Variants in BLOC1S6 observed in about 807,000 individuals in gnomAD.
BLOC1S6 encodes biogenesis of lysosomal organelles complex 1 subunit 6, also known as biogenesis of lysosome-related organelles complex 1 subunit 6.
Under a neutral mutation model 24.7 loss-of-function variants are expected in BLOC1S6, and 24 were observed. The ratio of observed to expected loss-of-function variants is 0.97; its 90% CI spans 0.70 to 1.37. BLOC1S6 has a LOEUF of 1.37. Ranked by LOEUF, BLOC1S6 falls within the 40% of genes most tolerant of loss-of-function variation. BLOC1S6 has a pLI of 0.00. For missense variants in BLOC1S6, 175 were observed against 196.2 expected (o/e 0.89, Z 0.64); for synonymous variants, 76 against 72.6 (o/e 1.05, Z -0.23).
Position 45,606,655 on chromosome 15 carries a change from C to A in BLOC1S6, c.*141C>A. The A allele has an allele frequency of 8.3e-7, 1 of 1,201,278 alleles. No homozygotes were observed. Among genetic ancestry groups the A allele is most frequent in the Non-Finnish European group, 1.2e-6 (1 of 829,256 alleles). The allele number at this position is 1,201,278 out of a possible 1,614,324, so 74.4% of individuals were successfully genotyped here. ...TTCCGGTATTACTGTGTCTCCATGC[C>A]TTTTTTCCAAGTAGCAGACGTCATG... On this transcript the variant is annotated 3_prime_UTR_variant, in exon 5 of 5. Coordinates refer to ENST00000220531, the MANE Select transcript of BLOC1S6 (RefSeq NM_012388.4).
At chr15:45,587,244 A>G (rs1055213737), upstream of BLOC1S6, 35 of 630,138 alleles carry the variant, frequency 5.6e-5, no homozygotes, top group Admixed American at 7.8e-4. Context: ...CCAGACGACG[A>G]TATCAGCGCG....
chr15:45,595,289 A>ATGAG (rs1243756635), intron 2 of BLOC1S6, among the ~76,000 whole-genome samples: 2 of 152,214 alleles, frequency 1.3e-5, no homozygotes, highest in South Asian at 2.1e-4. Context: ...GGGGCCCATC[A>ATGAG]TGAGTCACTT....
Position 45,602,840 on chromosome 15 carries a change from A to G in BLOC1S6, c.225-260A>G, listed in dbSNP as rs76175998. Among the ~76,000 whole-genome samples, 2,809 of 152,350 alleles carry G rather than the reference A, an allele frequency of 0.018. 173 individuals are homozygous for G. Among genetic ancestry groups the G allele is most frequent in the East Asian group, 0.15 (764 of 5,186 alleles). On this transcript the variant is annotated intron_variant, in intron 2 of 4. Transcript: ENST00000220531. Reference sequence around the variant, plus strand: ...ATACAGAGAGTTGTTAAAAGTAACAAGTAATAAAATACTTTTAAATGATTG... The same window carrying G: ...ATACAGAGAGTTGTTAAAAGTAACAGGTAATAAAATACTTTTAAATGATTG...
intron 3 of BLOC1S6, among the ~76,000 whole-genome samples, chr15:45,604,644 C>G (rs1032844763): frequency 1.3e-5 from 2 of 152,168 alleles, no homozygotes; most frequent in South Asian, 2.1e-4. Context: ...TGTAAAAAGG[C>G]ACTGTAACTT....
At chr15:45,601,494 A>G (rs1012456319) in intron 2 of BLOC1S6, 1 of 152,318 alleles carries the variant, frequency 6.6e-6, no homozygotes, top group Non-Finnish European at 1.5e-5. Flanking sequence ...GGTAGTTTGT[A>G]TCTTTCAAAG....
intron 3 of BLOC1S6, 78 bp from the exon 4 acceptor site, chr15:45,605,350 T>G: frequency 8.6e-7 from 1 of 1,169,120 alleles, no homozygotes; most frequent in Non-Finnish European, 1.2e-6. Context: ...AAACTATCAT[T>G]TATATATTGC....
At position 45,592,286 on chromosome 15, in the gene BLOC1S6, TA is replaced by T; in HGVS notation, c.224+16del. 1 of 1,613,494 alleles carries T rather than the reference TA, an allele frequency of 6.2e-7. No individual in the cohort carries two copies. The highest frequency in any genetic ancestry group is 8.5e-7 in the Non-Finnish European group (1 of 1,179,958). On this transcript the variant is annotated intron_variant, in intron 2 of 4. Coordinates refer to ENST00000220531, the MANE Select transcript of BLOC1S6 (RefSeq NM_012388.4). Reference sequence around the variant, plus strand: ...CCCTCCAGGAACTCACGTAAGCTAATAAAAAACCAGATATACACTCATTTCC... The same window carrying T: ...CCCTCCAGGAACTCACGTAAGCTAATAAAAACCAGATATACACTCATTTCC...
intron 3 of BLOC1S6, 47 bp downstream of exon 3, chr15:45,603,234 A>G: frequency 8.1e-7 from 1 of 1,228,520 alleles, no homozygotes; most frequent in South Asian, 1.2e-5. Flanking sequence ...TTGTCTTAGC[A>G]ATAGCTAAGA....
At position 45,587,411 on chromosome 15, in the gene BLOC1S6, T is replaced by G. The variant is rs752011416; in HGVS notation, c.-33T>G. The G allele has an allele frequency of 1.9e-6, 3 of 1,551,346 alleles. No individual in the cohort carries two copies. The East Asian group carries it at 7.2e-5, about 37-fold the overall frequency. ...GCCTTGCTTCTGACGAGCCACACGT[T>G]TGCTTCTTCCCTGTGTTCCCAGCTG... On this transcript the variant is annotated 5_prime_UTR_variant, in exon 1 of 5. Coordinates refer to ENST00000220531, the MANE Select transcript of BLOC1S6 (RefSeq NM_012388.4).
chr15:45,596,478 G>A (rs1894082495), intron 2 of BLOC1S6, among the ~76,000 whole-genome samples: 1 of 152,158 alleles, frequency 6.6e-6, no homozygotes, highest in South Asian at 2.1e-4. Context: ...GATTACAGGT[G>A]TGAGCCACTG....
At chr15:45,593,042 A>T (rs528039584) in intron 2 of BLOC1S6, among the ~76,000 whole-genome samples, 3 of 152,150 alleles carry the variant, frequency 2.0e-5, no homozygotes, top group Admixed American at 6.6e-5. Flanking sequence ...AACTGTGCTT[A>T]TTTTATAATT....
chr15:45,592,324 G>C, intron 2 of BLOC1S6, 48 bp downstream of exon 2: 1 of 1,597,992 alleles, frequency 6.3e-7, no homozygotes, highest in South Asian at 1.1e-5. Flanking sequence ...CTGTGGCATA[G>C]TCACAATTTG....
At chr15:45,587,601 G>A in intron 1 of BLOC1S6, 76 bp downstream of exon 1, 1 of 1,405,920 alleles carries the variant, frequency 7.1e-7, no homozygotes, top group Non-Finnish European at 9.7e-7. Context: ...GAACTCCGGA[G>A]AAACCCTGGG....
At chr15:45,604,992 CCA>C (rs1894398825) in intron 3 of BLOC1S6, among the ~76,000 whole-genome samples, 1 of 152,194 alleles carries the variant, frequency 6.6e-6, no homozygotes, top group Admixed American at 6.5e-5. Context: ...GGCTCTGTGG[CCA>C]CAGTTTGGGT....
At chr15:45,588,440 A>G (rs184594370) in intron 1 of BLOC1S6, among the ~76,000 whole-genome samples, 63 of 152,354 alleles carry the variant, frequency 4.1e-4, no homozygotes, top group Admixed American at 2.0e-3. Context: ...CATCCTGTTA[A>G]TGGTGGTAGG....
chr15:45,606,235 G>C (rs1020029057), intron 4 of BLOC1S6, among the ~76,000 whole-genome samples, 160 bp from the exon 5 acceptor site: 2 of 152,074 alleles, frequency 1.3e-5, no homozygotes, highest in African/African-American at 4.8e-5. Flanking sequence ...AAATTTTTTT[G>C]AATCAAAGGG....
chr15:45,598,219 C>A (rs932711085), intron 2 of BLOC1S6: 1 of 151,694 alleles, frequency 6.6e-6, no homozygotes, highest in African/African-American at 2.4e-5. Context: ...AACCCACAGC[C>A]AATATCATAC....
In BLOC1S6 at chr15:45,606,674, C is replaced by T. The variant is rs552495414; in HGVS notation, c.*160C>T. ...CCATGCCTTTTTTCCAAGTAGCAGA[C>T]GTCATGTTGCATGGTTTTTGATATT... On this transcript the variant is annotated 3_prime_UTR_variant, in exon 5 of 5. Coordinates refer to ENST00000220531, the MANE Select transcript of BLOC1S6 (RefSeq NM_012388.4). 2.8e-4 allele frequency: 260 copies of T among 917,704 alleles called. 1 individual carries two copies. In the Middle Eastern group the frequency reaches 4.2e-3, roughly 15 times the overall value. The allele number at this position is 917,704 out of a possible 1,614,324, so 56.8% of individuals were successfully genotyped here. A position where few individuals can be genotyped will look rare whatever the true frequency, so the allele number is the denominator to read the frequency against.
chr15:45,603,445 C>G (rs1008419717), intron 3 of BLOC1S6, among the ~76,000 whole-genome samples: 1 of 152,212 alleles, frequency 6.6e-6, no homozygotes, highest in Non-Finnish European at 1.5e-5. Context: ...CATAGTGGCT[C>G]ATACCTGTAA....
Sources: allele counts gnomAD v4.1 joint callset (sites outside exome capture counted in the v4.1 genomes callset), GRCh38; gene constraint gnomAD v4.1.1; transcripts MANE v1.5; gene names NCBI Gene and HGNC (gene_info 2026-07-23, HGNC 2026-07-21).